MAP3K3: variants seen among roughly 807,000 people sequenced by gnomAD.
MAP3K3 encodes mitogen-activated protein kinase kinase kinase 3.
Under a neutral mutation model 80.9 loss-of-function variants are expected in MAP3K3, and 12 were observed. The ratio of observed to expected loss-of-function variants is 0.15; its 90% CI spans 0.10 to 0.24. MAP3K3 has a LOEUF of 0.24. Ranked by LOEUF, MAP3K3 falls within the 10% of genes least tolerant of loss-of-function variation. The probability of loss-of-function intolerance (pLI) is 1.00; values close to 1 mark genes in which losing one functional copy is unlikely to be tolerated. For synonymous variants in MAP3K3, 272 were observed against 307.1 expected (o/e 0.89, Z 1.19); for missense variants, 596 against 834.7 (o/e 0.71, Z 3.52).
chr17:63,686,873 G>A (rs1009603688), intron 8 of MAP3K3, among the ~76,000 whole-genome samples: 2 of 152,182 alleles, frequency 1.3e-5, no homozygotes. Flanking sequence ...ATCTGGGAAA[G>A]GGCATGAGAT....
chr17:63,679,015 CA>C (rs1284841560), intron 6 of MAP3K3, among the ~76,000 whole-genome samples: 3 of 152,076 alleles, frequency 2.0e-5, no homozygotes, highest in Non-Finnish European at 4.4e-5. Flanking sequence ...GGCAACAGAG[CA>C]AGACTCCGTC....
intron 8 of MAP3K3, chr17:63,688,104 C>T (rs2035498285): frequency 3.9e-6 from 1 of 256,640 alleles, no homozygotes; most frequent in South Asian, 4.5e-5. Flanking sequence ...TGCTACCTCA[C>T]AGCGTTCTGA....
intron 5 of MAP3K3, 90 bp from the exon 6 acceptor site, chr17:63,666,850 T>C (rs1334707322): frequency 6.8e-7 from 1 of 1,472,028 alleles, no homozygotes; most frequent in Admixed American, 2.1e-5. Context: ...TGGCTGAGCC[T>C]GCAGGGAGTC....
chr17:63,642,615 G>A (rs1031647496), intron 2 of MAP3K3, among the ~76,000 whole-genome samples: 1 of 151,938 alleles, frequency 6.6e-6, no homozygotes, highest in Non-Finnish European at 1.5e-5. Context: ...CCGAGATCGC[G>A]CCACTGCACT....
chr17:63,650,378 T>C (rs1317842463), intron 3 of MAP3K3, among the ~76,000 whole-genome samples: 2 of 152,182 alleles, frequency 1.3e-5, no homozygotes, highest in Non-Finnish European at 2.9e-5. Flanking sequence ...CTCAGCTCAC[T>C]GCAACCTCTG....
At chr17:63,643,915 G>GT (rs2034493301) in intron 2 of MAP3K3, among the ~76,000 whole-genome samples, 1 of 152,198 alleles carries the variant, frequency 6.6e-6, no homozygotes. Flanking sequence ...TGACACTTAA[G>GT]TTGTAGCATA....
intron 7 of MAP3K3, among the ~76,000 whole-genome samples, chr17:63,682,125 T>C (rs980061285): frequency 8.5e-5 from 13 of 152,208 alleles, no homozygotes; most frequent in African/African-American, 3.1e-4. Context: ...AGTTTCCTTG[T>C]TGTTGGGTGA....
rs1247884473 is a variant in MAP3K3 at position 63,692,833 on chromosome 17, A to T, written c.1652+414A>T. On this transcript the variant is annotated intron_variant, in intron 15 of 15. Transcript: ENST00000361733. This position sits in a 1 kb window ranked among gnomAD's most constrained non-coding sequence, Gnocchi z 4.5. The stretch of plus-strand genomic sequence containing the variant: ...GTCAGGAGAGCTTCTCCCCTTGGAA[A>T]GCTATTGTGGTGGGCTGAATAATGG... Among the ~76,000 whole-genome samples the T allele has an allele frequency of 6.6e-6, 1 of 152,198 alleles. No individual in the cohort carries two copies. The highest frequency in any genetic ancestry group is 1.5e-5 in the Non-Finnish European group (1 of 68,030).
At chr17:63,650,819 G>A (rs2034640646) in intron 3 of MAP3K3, among the ~76,000 whole-genome samples, 1 of 151,516 alleles carries the variant, frequency 6.6e-6, no homozygotes, top group Admixed American at 6.6e-5. Flanking sequence ...AGCCTCCCAA[G>A]TAGCTTAGAC....
intron 2 of MAP3K3, among the ~76,000 whole-genome samples, chr17:63,643,709 A>G (rs1214114372): frequency 1.3e-5 from 2 of 152,326 alleles, no homozygotes; most frequent in South Asian, 2.1e-4. Flanking sequence ...ACCCTCCCAC[A>G]GGGGCAGACA....
chr17:63,642,278 T>G (rs2034458115), intron 2 of MAP3K3, among the ~76,000 whole-genome samples: 1 of 152,214 alleles, frequency 6.6e-6, no homozygotes, highest in Non-Finnish European at 1.5e-5. Context: ...AGAGCAGTGC[T>G]TAGGTTATGG....
chr17:63,648,205 T>G (rs2034577801), intron 3 of MAP3K3, among the ~76,000 whole-genome samples: 1 of 152,260 alleles, frequency 6.6e-6, no homozygotes, highest in South Asian at 2.1e-4. Flanking sequence ...GCCTCTGATC[T>G]TGACCAGACT....
At chr17:63,676,000 G>A (rs536965236) in intron 6 of MAP3K3, among the ~76,000 whole-genome samples, 1 of 152,276 alleles carries the variant, frequency 6.6e-6, no homozygotes, top group Non-Finnish European at 1.5e-5. Context: ...TTTCTGAAAT[G>A]AAGATTAAAA....
chr17:63,687,563 G>T (rs1042681458), intron 8 of MAP3K3, among the ~76,000 whole-genome samples: 1 of 151,560 alleles, frequency 6.6e-6, no homozygotes, highest in Non-Finnish European at 1.5e-5. Context: ...GGTGGCACAT[G>T]CCTGTAGTCC....
chr17:63,644,168 T>C (rs2034497776), intron 2 of MAP3K3, among the ~76,000 whole-genome samples: 2 of 152,178 alleles, frequency 1.3e-5, no homozygotes, highest in Non-Finnish European at 2.9e-5. Flanking sequence ...TTATTATTAA[T>C]GGATAAAGTG....
chr17:63,625,613 T>C (rs2143115800), intron 1 of MAP3K3, among the ~76,000 whole-genome samples: 1 of 152,310 alleles, frequency 6.6e-6, no homozygotes, highest in East Asian at 1.9e-4. Flanking sequence ...AGGAGCTCCC[T>C]GTTAGAATAG....
At chr17:63,636,471 A>G (rs575673672) in intron 2 of MAP3K3, 71 of 152,704 alleles carry the variant, frequency 4.6e-4, no homozygotes, top group African/African-American at 1.6e-3. Flanking sequence ...GCTGGGTCCT[A>G]TGGATAGTTT....
chr17:63,627,208 A>G (rs1270296437), intron 1 of MAP3K3, among the ~76,000 whole-genome samples: 1 of 152,202 alleles, frequency 6.6e-6, no homozygotes, highest in Non-Finnish European at 1.5e-5. Context: ...AAGAGCTTCT[A>G]CTTTTTAAGC....
chr17:63,630,367 G>A (rs2034190778), intron 1 of MAP3K3, among the ~76,000 whole-genome samples: 1 of 151,948 alleles, frequency 6.6e-6, no homozygotes, highest in Non-Finnish European at 1.5e-5. Context: ...TCTCACTGTC[G>A]CCCAGGCTGA....
Sources: allele counts gnomAD v4.1 joint callset (sites outside exome capture counted in the v4.1 genomes callset), GRCh38; gene constraint gnomAD v4.1.1; non-coding constraint Gnocchi (gnomAD v3.1); transcripts MANE v1.5; gene names NCBI Gene and HGNC (gene_info 2026-07-23, HGNC 2026-07-21).